The following DMD variants were observed in gnomAD, a reference collection of about 807,000 sequenced individuals.
DMD encodes the protein mutant dystrophin.
Under a neutral mutation model 330.1 loss-of-function variants are expected in DMD, and 63 were observed. The ratio of observed to expected loss-of-function variants is 0.19; its 90% confidence interval spans 0.16 to 0.24. The LOEUF is 0.24. Among genes scored for constraint, DMD ranks in the 10% least tolerant of loss-of-function variants. DMD has a pLI of 1.00. For synonymous variants in DMD, 1,223 were observed against 959.8 expected, an observed-to-expected ratio of 1.27 and a Z score of -5.07; for missense variants, 3,344 against 2,684.1, an observed-to-expected ratio of 1.25 and a Z score of -5.43.
chrX:31,406,685 G>A (rs981080740), intron 60 of DMD, among the ~76,000 whole-genome samples: 1 of 111,470 alleles, frequency 9.0e-6, no homozygotes. Context: ...TACAGATGAG[G>A]AAACTGAGGC....
At chrX:31,688,433 C>T (rs771488344) in intron 52 of DMD, among the ~76,000 whole-genome samples, 141 of 111,379 alleles carry the variant, frequency 1.3e-3, no homozygotes, top group African/African-American at 4.2e-3. Context: ...AAGTTGAATC[C>T]CTGAATAGAC....
chrX:32,730,594 T>A (rs772243532), intron 7 of DMD, among the ~76,000 whole-genome samples: 29 of 111,876 alleles, frequency 2.6e-4, no homozygotes, highest in Admixed American at 2.5e-3. Flanking sequence ...GGAATAAGCT[T>A]AAAGTAGTAA....
intron 18 of DMD, chrX:32,517,677 T>G (rs1314368237): frequency 2.9e-6 from 1 of 341,087 alleles, no homozygotes; most frequent in South Asian, 5.3e-5. Flanking sequence ...TGTGCAAGCT[T>G]GCTAAGGCCT....
At chrX:32,892,144 G>A (rs2085267191) in intron 2 of DMD, among the ~76,000 whole-genome samples, 1 of 111,973 alleles carries the variant, frequency 8.9e-6, no homozygotes, top group African/African-American at 3.2e-5. Flanking sequence ...CCTACAATTT[G>A]CACATGATCC....
At chrX:31,596,971 T>C (rs759654963) in intron 55 of DMD, among the ~76,000 whole-genome samples, 1 of 112,694 alleles carries the variant, frequency 8.9e-6, no homozygotes, top group African/African-American at 3.2e-5. Flanking sequence ...GAAGCACTGA[T>C]TCAGAGCATT....
intron 47 of DMD, among the ~76,000 whole-genome samples, chrX:31,901,193 A>T (rs1363487466): frequency 8.9e-6 from 1 of 111,820 alleles, no homozygotes; most frequent in Non-Finnish European, 1.9e-5. Flanking sequence ...ATCATTAACC[A>T]CAACCACCGC....
chrX:31,414,742 A>G (rs1356148243), intron 60 of DMD, among the ~76,000 whole-genome samples: 2 of 112,342 alleles, frequency 1.8e-5, no homozygotes, highest in Non-Finnish European at 3.8e-5. Flanking sequence ...GAGTTTCAGT[A>G]GCTCCTTAAG....
At position 32,545,142 on chromosome X, in the gene DMD, G is replaced by C. The variant is rs760025559; in HGVS notation, c.2168+17C>G. The stretch of plus-strand genomic sequence containing the variant: ...TTCTCCACTTCATTTGCAGATAAAA[G>C]CTTAAGATGCTCTCACCTTTTCCTA... On this transcript the variant is annotated intron_variant, in intron 17 of 78. Coordinates refer to ENST00000357033, the MANE Select transcript of DMD (RefSeq NM_004006.3). The C allele has an allele frequency of 2.5e-6, 3 of 1,203,998 alleles. No homozygotes were observed. The highest frequency in any genetic ancestry group is 4.4e-5 in the Admixed American group (2 of 45,934).
chrX:32,638,256 C>G (rs1461968580), intron 11 of DMD, among the ~76,000 whole-genome samples: 2 of 111,530 alleles, frequency 1.8e-5, no homozygotes, highest in African/African-American at 6.5e-5. Context: ...GGTATGATAT[C>G]AACATATGAG....
At chrX:32,277,054 A>C (rs1209481435) in intron 43 of DMD, among the ~76,000 whole-genome samples, 4 of 111,631 alleles carry the variant, frequency 3.6e-5, no homozygotes. Flanking sequence ...CTCTTCACCT[A>C]TAAAGCTACA....
chrX:32,635,050 G>A (rs2059000949), intron 11 of DMD, among the ~76,000 whole-genome samples: 1 of 111,910 alleles, frequency 8.9e-6, no homozygotes, highest in East Asian at 2.8e-4. Flanking sequence ...TCCCTGTCTA[G>A]GGTTCATCTA....
At chrX:31,147,215 G>A (rs911352345) in intron 75 of DMD, 60 bp downstream of exon 75, 7 of 1,204,366 alleles carry the variant, frequency 5.8e-6, no homozygotes, top group Admixed American at 2.2e-5. Flanking sequence ...GCTCTCTGAG[G>A]TTTAGTTTTG....
chrX:31,200,000 AGGAAAAGCATGCCAGGGCCAGGACGT>A (rs1022387621), intron 67 of DMD, among the ~76,000 whole-genome samples: 1 of 112,232 alleles, frequency 8.9e-6, no homozygotes, highest in Non-Finnish European at 1.9e-5. Context: ...CACCTGGCCG[AGGAAAAGCATGCCAGGGCCAGGACGT>A]GGATTCCTAA....
intron 45 of DMD, among the ~76,000 whole-genome samples, chrX:31,951,159 G>GTATGTATATATATATATA (rs1557025629): frequency 7.0e-5 from 5 of 71,712 alleles, no homozygotes; most frequent in African/African-American, 2.2e-4. Context: ...ATATATATAT[G>GTATGTATATATATATATA]TATATATATA....
At position 31,949,008 on chromosome X, in the gene DMD, T is replaced by C. The variant is rs1424287456; in HGVS notation, c.6615-16781A>G. Among the ~76,000 whole-genome samples the C allele has an allele frequency of 7.2e-5, 8 of 111,854 alleles. No individual in the cohort carries two copies. The East Asian group carries it at 2.3e-3, about 32-fold the overall frequency. On this transcript the variant is annotated intron_variant, in intron 45 of 78. Transcript: ENST00000357033. ...TCCTTATGACAGTACCACACTGTCT[T>C]CATCATTGCAGATTTACATCAAGAT...
In DMD at chrX:32,738,653, C is replaced by T. The variant is rs548687665; in HGVS notation, c.650-39360G>A. On this transcript the variant is annotated intron_variant, in intron 7 of 78. Transcript: ENST00000357033. ...TAAAGTTAATTGAATGGAGGTAAAA[C>T]TAGGAGACTGAAAACTTCTTCTACA... 8.1e-5 allele frequency among the ~76,000 whole-genome samples: 9 copies of T among 111,756 alleles called. No homozygotes were observed. The South Asian group carries it at 3.3e-3, about 41-fold the overall frequency.
intron 1 of DMD, among the ~76,000 whole-genome samples, chrX:33,188,087 C>T (rs185988985): frequency 1.4e-3 from 156 of 110,926 alleles, no homozygotes; most frequent in Non-Finnish European, 2.4e-3. Flanking sequence ...ACTGGAGTCT[C>T]ACTTTCCACA....
intron 55 of DMD, among the ~76,000 whole-genome samples, chrX:31,511,632 T>C (rs1449777413): frequency 8.4e-5 from 9 of 106,829 alleles, no homozygotes; most frequent in African/African-American, 3.1e-4. Context: ...GATTTCCAAT[T>C]TCATCCATGT....
At chrX:32,241,886 T>A (rs895907872) in intron 43 of DMD, among the ~76,000 whole-genome samples, 2 of 111,100 alleles carry the variant, frequency 1.8e-5, no homozygotes, top group African/African-American at 6.6e-5. Context: ...CGTATATTTT[T>A]CCATAAGGCA....
Sources: gnomAD v4.1 joint callset for allele counts (sites outside exome capture counted in the v4.1 genomes callset) on GRCh38, gnomAD v4.1.1 for gene constraint, MANE v1.5 for transcripts, NCBI Gene and HGNC (gene_info 2026-07-23, HGNC 2026-07-21) for gene names.